The following TCP11L2 variants were observed in gnomAD, a reference collection of about 807,000 sequenced individuals.
TCP11L2 encodes T-complex protein 11-like protein 2.
In TCP11L2, 39 loss-of-function variants were observed where a neutral mutation model predicts 50.7. That is an observed-to-expected ratio of 0.77 (90% confidence interval 0.60 to 1.01). TCP11L2 has a LOEUF of 1.01. TCP11L2 is among the 50% of genes least tolerant of loss of function. The pLI, the probability that TCP11L2 is intolerant of heterozygous loss-of-function variation, is 0.00. For missense variants in TCP11L2, 612 were observed against 614.7 expected (o/e 1.00, Z 0.05); for synonymous variants, 192 against 219.3 (o/e 0.88, Z 1.10).
chr12:106,317,635 T>G (rs563724460), intron 3 of TCP11L2, among the ~76,000 whole-genome samples: 164 of 152,356 alleles, frequency 1.1e-3, no homozygotes, highest in African/African-American at 3.5e-3. Flanking sequence ...CCTGGAGGAC[T>G]TATGGCCTCT....
intron 4 of TCP11L2, among the ~76,000 whole-genome samples, chr12:106,318,710 C>CT (rs918632768): frequency 6.6e-6 from 1 of 152,060 alleles, no homozygotes; most frequent in African/African-American, 2.4e-5. Flanking sequence ...TCTTTAGGGT[C>CT]TTTTTGTTGT....
chr12:106,340,908 T>G lies in TCP11L2; in HGVS notation c.1225T>G (p.Leu409Val), dbSNP rs749272309. ...EVNKTLMERG[L>V]PTLNAEIQAN... ...TAACAAGACCCTGATGGAAAGAGGT[T>G]TACCCACTTTAAATGCTGAGATTCA... The change falls in exon 9 of 10, where the codon TTA becomes GTA. Residue 409 changes from leucine (L) to valine (V), a missense_variant. Coordinates refer to ENST00000299045, the MANE Select transcript of TCP11L2 (RefSeq NM_152772.3). The G allele has an allele frequency of 1.2e-6, 2 of 1,613,792 alleles. No individual in the cohort carries two copies. Among genetic ancestry groups the G allele is most frequent in the Non-Finnish European group, 1.7e-6 (2 of 1,179,850 alleles).
intron 9 of TCP11L2, 91 bp from the exon 10 acceptor site, chr12:106,346,195 G>T: frequency 7.5e-7 from 1 of 1,331,694 alleles, no homozygotes; most frequent in Non-Finnish European, 1.0e-6. Context: ...GAACATTATT[G>T]CAGTCAACCT....
intron 4 of TCP11L2, among the ~76,000 whole-genome samples, chr12:106,320,176 G>A (rs140532891): frequency 6.6e-5 from 10 of 152,288 alleles, no homozygotes; most frequent in Admixed American, 2.0e-4. Context: ...CCAGGTGGGC[G>A]GATCACAAGG....
At chr12:106,302,409 C>A (rs998561022), upstream of TCP11L2, among the ~76,000 whole-genome samples, 4 of 125,972 alleles carry the variant, frequency 3.2e-5, 1 homozygote, top group African/African-American at 1.5e-4. Context: ...CCCCGCTCAG[C>A]CCCCGCTCCC....
chr12:106,342,205 A>T (rs2036111620), intron 9 of TCP11L2, among the ~76,000 whole-genome samples: 1 of 152,204 alleles, frequency 6.6e-6, no homozygotes, highest in Non-Finnish European at 1.5e-5. Flanking sequence ...AATACATTTT[A>T]TTATTGATTT....
At chr12:106,322,155 AG>A (rs1296397042) in intron 5 of TCP11L2, among the ~76,000 whole-genome samples, 1 of 152,118 alleles carries the variant, frequency 6.6e-6, no homozygotes, top group Non-Finnish European at 1.5e-5. Context: ...ATCCAGTAAA[AG>A]TTTGTTTCTC....
intron 8 of TCP11L2, among the ~76,000 whole-genome samples, chr12:106,337,867 G>A (rs1161305732): frequency 6.6e-6 from 1 of 152,076 alleles, no homozygotes; most frequent in Non-Finnish European, 1.5e-5. Flanking sequence ...CTTTATAATT[G>A]TATCTGGTTG....
upstream of TCP11L2, chr12:106,302,056 G>A (rs1371812166): frequency 6.6e-6 from 1 of 152,468 alleles, no homozygotes; most frequent in Admixed American, 6.5e-5. Flanking sequence ...CCCGGTTAGT[G>A]GCTGACGTGC....
Position 106,321,521 on chromosome 12 carries a change from G to A in TCP11L2, c.450G>A (p.Arg150=), listed in dbSNP as rs372929065. ...LLSFLTPGGN[R]LRNQICEVLD... ...CTTTTCTCACTCCCGGTGGCAACCGGCTTCGCAACCAAATCTGTGAAGTTT... is the reference window on the plus strand; with the variant it reads ...CTTTTCTCACTCCCGGTGGCAACCGACTTCGCAACCAAATCTGTGAAGTTT... Residue 150 remains arginine, a synonymous_variant, in exon 5 of 10, where the codon CGG becomes CGA. Transcript: ENST00000299045. The A allele has an allele frequency of 3.7e-6, 6 of 1,614,034 alleles. No individual in the cohort carries two copies. The African/African-American group carries it at 5.3e-5, about 14-fold the overall frequency.
At chr12:106,318,688 A>C (rs1485611728) in intron 4 of TCP11L2, among the ~76,000 whole-genome samples, 1 of 152,176 alleles carries the variant, frequency 6.6e-6, no homozygotes, top group Non-Finnish European at 1.5e-5. Context: ...GTGGCAGAAA[A>C]GGCAGAGAAG....
chr12:106,310,971 T>A, intron 1 of TCP11L2, 70 bp from the exon 2 acceptor site: 1 of 1,368,330 alleles, frequency 7.3e-7, no homozygotes, highest in Non-Finnish European at 1.0e-6. Context: ...TTGTCTACAC[T>A]GGAAGAAGCA....
intron 1 of TCP11L2, chr12:106,303,748 G>T (rs538021746): frequency 6.6e-6 from 1 of 152,218 alleles, no homozygotes; most frequent in African/African-American, 2.4e-5. Flanking sequence ...GTTTCACAAT[G>T]ATAGAGTTTC....
chr12:106,335,771 A>T lies in TCP11L2; in HGVS notation c.905A>T (p.Asn302Ile). Residue 302 changes from asparagine to isoleucine, a missense_variant, in exon 7 of 10, where the codon AAT becomes ATT. Coordinates refer to ENST00000299045, the MANE Select transcript of TCP11L2 (RefSeq NM_152772.3). The part of the protein sequence containing the change: ...KPSLSPTLVL[N>I]NSYLKLLQWD... ...AGCCTGAGCCCTACTTTGGTGCTAAATAATAGTTACTTGAAACTGTTACAG... is the reference window on the plus strand; with the variant it reads ...AGCCTGAGCCCTACTTTGGTGCTAATTAATAGTTACTTGAAACTGTTACAG... The T allele has an allele frequency of 6.2e-7, 1 of 1,614,256 alleles. No homozygotes were observed. The highest frequency in any genetic ancestry group is 8.5e-7 in the Non-Finnish European group (1 of 1,180,044).
upstream of TCP11L2, among the ~76,000 whole-genome samples, chr12:106,300,683 A>C (rs184001279): frequency 6.6e-6 from 1 of 152,324 alleles, no homozygotes. Context: ...GGTAATTCAC[A>C]GAAGGGTTTT....
At chr12:106,325,549 T>C (rs1309263392) in intron 6 of TCP11L2, 3 of 152,258 alleles carry the variant, frequency 2.0e-5, no homozygotes, top group African/African-American at 7.2e-5. Context: ...GACTGTTTGA[T>C]GATGGTCAGT....
upstream of TCP11L2, among the ~76,000 whole-genome samples, chr12:106,300,824 G>A (rs2034395865): frequency 6.6e-6 from 1 of 152,162 alleles, no homozygotes. Flanking sequence ...GTGGCTTTGA[G>A]AGCTACATAT....
At chr12:106,313,699 C>G (rs916038610) in intron 2 of TCP11L2, among the ~76,000 whole-genome samples, 1 of 150,986 alleles carries the variant, frequency 6.6e-6, no homozygotes, top group Admixed American at 6.6e-5. Context: ...ATAATTTTAT[C>G]AATTTCCTAT....
At chr12:106,326,118 C>G (rs766534046) in intron 6 of TCP11L2, among the ~76,000 whole-genome samples, 11 of 152,118 alleles carry the variant, frequency 7.2e-5, no homozygotes, top group Non-Finnish European at 1.6e-4. Context: ...TGACACCAGC[C>G]TCTGGGGTTT....
Sources: gnomAD v4.1 joint callset for allele counts (sites outside exome capture counted in the v4.1 genomes callset) on GRCh38, gnomAD v4.1.1 for gene constraint, MANE v1.5 for transcripts, NCBI Gene and HGNC (gene_info 2026-07-23, HGNC 2026-07-21) for gene names.